The following SORCS1 variants were observed in gnomAD, a reference collection of about 807,000 sequenced individuals.
SORCS1 encodes the protein VPS10 domain-containing receptor SorCS1.
Under a neutral mutation model 146.1 loss-of-function variants are expected in SORCS1, and 60 were observed. The ratio of observed to expected loss-of-function variants is 0.41; its 90% CI spans 0.33 to 0.51. The LOEUF (loss-of-function observed/expected upper bound fraction) is 0.51. Among genes scored for constraint, SORCS1 ranks in the 20% least tolerant of loss-of-function variants. The probability of loss-of-function intolerance (pLI) is 0.21; values close to 1 mark genes in which losing one functional copy is unlikely to be tolerated. For synonymous variants in SORCS1, 637 were observed against 584.0 expected, an observed-to-expected ratio of 1.09 and a Z score of -1.31; for missense variants, 1,352 against 1,487.6, an observed-to-expected ratio of 0.91 and a Z score of 1.50.
chr10:106,840,841 T>TTA (rs1292497131), intron 2 of SORCS1, among the ~76,000 whole-genome samples: 58 of 113,842 alleles, frequency 5.1e-4, no homozygotes, highest in East Asian at 1.5e-3. Context: ...TTTAGTTATA[T>TTA]TATATATATA....
At chr10:107,127,469 T>G (rs1397385391) in intron 1 of SORCS1, among the ~76,000 whole-genome samples, 1 of 152,178 alleles carries the variant, frequency 6.6e-6, no homozygotes, top group Non-Finnish European at 1.5e-5. Flanking sequence ...TTTTCTTAAG[T>G]ATTCTTGCAT....
chr10:106,827,329 G>T (rs368030788), intron 3 of SORCS1, among the ~76,000 whole-genome samples: 174 of 151,066 alleles, frequency 1.2e-3, no homozygotes, highest in African/African-American at 4.1e-3. Context: ...GTTTACAAAT[G>T]GAGAAAATGT....
At chr10:106,802,508 T>C (rs1407249564) in intron 3 of SORCS1, among the ~76,000 whole-genome samples, 2 of 151,776 alleles carry the variant, frequency 1.3e-5, no homozygotes, top group Admixed American at 1.3e-4. Context: ...ATTTTTTTTT[T>C]TTTTTTCGAG....
intron 1 of SORCS1, among the ~76,000 whole-genome samples, chr10:107,137,593 G>A (rs1967425045): frequency 6.6e-6 from 1 of 152,190 alleles, no homozygotes; most frequent in South Asian, 2.1e-4. Flanking sequence ...GCCAGGTGTG[G>A]TGGCTCCGCC....
chr10:106,991,173 C>T (rs937182488), intron 1 of SORCS1, among the ~76,000 whole-genome samples: 4 of 152,192 alleles, frequency 2.6e-5, no homozygotes, highest in African/African-American at 7.2e-5. Context: ...ATATTTGACA[C>T]GGAAGGCCCT....
chr10:106,590,533 T>G (rs74152217), intron 24 of SORCS1, among the ~76,000 whole-genome samples: 2,211 of 152,324 alleles, frequency 0.015, 45 homozygotes, highest in African/African-American at 0.05. Flanking sequence ...GGATATTTTC[T>G]TAACGGCTCA....
intron 1 of SORCS1, among the ~76,000 whole-genome samples, chr10:106,969,108 A>G (rs1955646613): frequency 6.6e-6 from 1 of 152,220 alleles, no homozygotes; most frequent in Non-Finnish European, 1.5e-5. Flanking sequence ...AATAAAGAAC[A>G]AGACTTTCTG....
At chr10:106,963,847 T>A (rs903823644) in intron 1 of SORCS1, among the ~76,000 whole-genome samples, 2 of 152,168 alleles carry the variant, frequency 1.3e-5, no homozygotes, top group African/African-American at 2.4e-5. Context: ...AAACAAGGAA[T>A]GATATTTGAT....
intron 1 of SORCS1, among the ~76,000 whole-genome samples, chr10:107,156,440 C>T (rs1301111725): frequency 6.6e-6 from 1 of 152,142 alleles, no homozygotes; most frequent in Non-Finnish European, 1.5e-5. Flanking sequence ...TGTTCCAGAT[C>T]ATATTTCCAG....
chr10:106,995,980 G>A (rs1215595816), intron 1 of SORCS1, among the ~76,000 whole-genome samples: 1 of 152,058 alleles, frequency 6.6e-6, no homozygotes, highest in African/African-American at 2.4e-5. Context: ...TGTAATCGCA[G>A]CACTTTGGGA....
intron 2 of SORCS1, among the ~76,000 whole-genome samples, chr10:106,856,722 C>T (rs888354170): frequency 2.0e-5 from 3 of 152,196 alleles, no homozygotes; most frequent in African/African-American, 4.8e-5. Flanking sequence ...TAGGTCCCCA[C>T]GAAGTTCTTA....
At chr10:106,908,935 T>C (rs757729860) in intron 2 of SORCS1, among the ~76,000 whole-genome samples, 22 of 152,132 alleles carry the variant, frequency 1.4e-4, no homozygotes, top group Non-Finnish European at 3.2e-4. Flanking sequence ...TTTACTCCAT[T>C]ATTTTTTTTT....
At chr10:106,766,902 T>G (rs931161033) in intron 4 of SORCS1, among the ~76,000 whole-genome samples, 1 of 152,208 alleles carries the variant, frequency 6.6e-6, no homozygotes, top group African/African-American at 2.4e-5. Context: ...AATGAAGACA[T>G]GCAGAAAAAG....
chr10:106,968,143 G>A (rs1036290221), intron 1 of SORCS1, among the ~76,000 whole-genome samples: 2 of 152,108 alleles, frequency 1.3e-5, no homozygotes, highest in Non-Finnish European at 2.9e-5. Context: ...CCAGGAGGCG[G>A]AGCTTGCAGT....
chr10:106,702,519 A>G (rs1854207290), intron 8 of SORCS1, among the ~76,000 whole-genome samples: 1 of 152,204 alleles, frequency 6.6e-6, no homozygotes, highest in Non-Finnish European at 1.5e-5. Context: ...TTGGATAGGA[A>G]AACACAGATG....
intron 4 of SORCS1, 29 bp downstream of exon 4, chr10:106,776,505 A>G (rs367846851): frequency 3.0e-5 from 48 of 1,611,028 alleles, no homozygotes; most frequent in Non-Finnish European, 3.7e-5. Context: ...ACCATGCTTC[A>G]TTGTCTCAAA....
chr10:107,053,513 T>G (rs1960326314), intron 1 of SORCS1, among the ~76,000 whole-genome samples: 1 of 152,088 alleles, frequency 6.6e-6, no homozygotes. Context: ...TATTTCTTCT[T>G]CAATTAGAAT....
At chr10:106,895,489 C>T (rs1951434574) in intron 2 of SORCS1, among the ~76,000 whole-genome samples, 1 of 152,020 alleles carries the variant, frequency 6.6e-6, no homozygotes, top group Non-Finnish European at 1.5e-5. Context: ...CGTGCACCTG[C>T]AGTCCTAGCT....
intron 24 of SORCS1, among the ~76,000 whole-genome samples, chr10:106,584,161 C>T (rs1287323590): frequency 6.6e-6 from 1 of 152,154 alleles, no homozygotes; most frequent in African/African-American, 2.4e-5. Flanking sequence ...TCAGAAATTA[C>T]AGTGATATGG....
Sources: allele counts gnomAD v4.1 joint callset (sites outside exome capture counted in the v4.1 genomes callset), GRCh38; gene constraint gnomAD v4.1.1; transcripts MANE v1.5; gene names NCBI Gene and HGNC (gene_info 2026-07-23, HGNC 2026-07-21).